The following DNAH2 variants were observed in gnomAD, a reference collection of about 807,000 sequenced individuals.
DNAH2 encodes dynein axonemal heavy chain 2.
A neutral mutation model predicts 523.5 loss-of-function variants in DNAH2; 323 were observed. The ratio of observed to expected loss-of-function variants is 0.62; its 90% CI spans 0.56 to 0.68. DNAH2 has a LOEUF of 0.68. Among genes scored for constraint, DNAH2 ranks in the 30% least tolerant of loss-of-function variants. The probability of loss-of-function intolerance (pLI) is 0.00; values close to 1 mark genes in which losing one functional copy is unlikely to be tolerated. For synonymous variants in DNAH2, 2,093 were observed against 2,177.4 expected, an observed-to-expected ratio of 0.96 and a Z score of 1.08; for missense variants, 4,907 against 5,701.5, an observed-to-expected ratio of 0.86 and a Z score of 4.49.
chr17:7,750,934 C>T (rs1266229350), intron 12 of DNAH2, among the ~76,000 whole-genome samples: 1 of 152,062 alleles, frequency 6.6e-6, no homozygotes, highest in Admixed American at 6.6e-5. Flanking sequence ...ATTGTTAATT[C>T]AGTGTAGAAA....
chr17:7,791,839 C>A, intron 44 of DNAH2, 78 bp from the exon 45 acceptor site: 2 of 1,422,874 alleles, frequency 1.4e-6, no homozygotes, highest in Non-Finnish European at 1.9e-6. Context: ...GCTTTCCACA[C>A]TCTGGTGTCA....
chr17:7,778,232 G>C, intron 34 of DNAH2, 48 bp from the exon 35 acceptor site: 1 of 1,614,002 alleles, frequency 6.2e-7, no homozygotes, highest in Non-Finnish European at 8.5e-7. Context: ...AGCAGAAGCT[G>C]AGAGAGGCTT....
At chr17:7,764,534 T>C (rs1189084665) in intron 20 of DNAH2, among the ~76,000 whole-genome samples, 1 of 150,538 alleles carries the variant, frequency 6.6e-6, no homozygotes, top group Non-Finnish European at 1.5e-5. Context: ...GATCTTGGCC[T>C]ACTGCAACCT....
chr17:7,797,044 G>T (rs2077084925), intron 50 of DNAH2, 132 bp from the exon 51 acceptor site: 2 of 799,848 alleles, frequency 2.5e-6, no homozygotes, highest in Admixed American at 4.9e-5. Flanking sequence ...AGAGGTTGCA[G>T]TGAGCTGAGA....
In DNAH2 at chr17:7,760,890, G is replaced by T. The variant is rs750694055; in HGVS notation, c.2936G>T (p.Arg979Leu). ...NKDSFIHRYQRLNPPVSSFVA... is the reference protein window; with the variant it reads ...NKDSFIHRYQLLNPPVSSFVA... ...GACTCCTTCATTCATCGCTACCAGC[G>T]CCTCAACCCTCCTGTCTCTTCTTTT... Residue 979 changes from arginine (R) to leucine (L), a missense_variant, in exon 18 of 86, where the codon CGC becomes CTC. Arg to Leu is a moderately radical substitution (Grantham distance 102). Around this residue, in one of 3 missense-constraint regions of DNAH2, gnomAD observed 2,806 missense variants for 3,190.8 expected, o/e 0.88. Coordinates refer to ENST00000572933, the MANE Select transcript of DNAH2 (RefSeq NM_020877.5). This position sits in a 1 kb window ranked among gnomAD's most constrained non-coding sequence, Gnocchi z 4.0. 1.9e-6 allele frequency: 3 copies of T among 1,614,174 alleles called. No individual in the cohort carries two copies. Among genetic ancestry groups the T allele is most frequent in the East Asian group, 4.5e-5 (2 of 44,886 alleles).
At chr17:7,793,294 C>A in intron 48 of DNAH2, 89 bp downstream of exon 48, 1 of 1,362,532 alleles carries the variant, frequency 7.3e-7, no homozygotes, top group Non-Finnish European at 1.0e-6. Context: ...GGCTATGGTC[C>A]TGTCATCTTG....
intron 63 of DNAH2, among the ~76,000 whole-genome samples, chr17:7,815,681 CACAT>C (rs748961770): frequency 2.6e-5 from 4 of 151,764 alleles, no homozygotes; most frequent in Admixed American, 6.6e-5. Context: ...GGATCACACA[CACAT>C]ATATGGGATC....
chr17:7,761,841 A>T (rs949786643), intron 18 of DNAH2, among the ~76,000 whole-genome samples: 1 of 151,712 alleles, frequency 6.6e-6, no homozygotes, highest in African/African-American at 2.4e-5. Context: ...GCCTCTGGTC[A>T]TTCATTCATT....
chr17:7,830,556 C>T (rs1257416171), intron 78 of DNAH2, 65 bp downstream of exon 78: 14 of 1,604,882 alleles, frequency 8.7e-6, no homozygotes, highest in Non-Finnish European at 4.3e-6. Flanking sequence ...CCATGGCTCC[C>T]CTGTGGGAAT....
chr17:7,757,300 T>C, intron 13 of DNAH2, 63 bp downstream of exon 13: 1 of 1,579,418 alleles, frequency 6.3e-7, no homozygotes, highest in Admixed American at 1.7e-5. Flanking sequence ...TTTTCTCTTA[T>C]CTGCCCTGTA....
In DNAH2 at chr17:7,764,016, A is replaced by G. The variant is rs759618343; in HGVS notation, c.3164A>G (p.Lys1055Arg). 5 of 1,614,168 alleles carry G rather than the reference A, an allele frequency of 3.1e-6. No individual in the cohort carries two copies. The highest frequency in any genetic ancestry group is 4.2e-6 in the Non-Finnish European group (5 of 1,180,018). The change falls in exon 19 of 86, where the codon AAG becomes AGG. Residue 1055 changes from lysine to arginine, a missense_variant. This residue lies in a region of DNAH2 where 2,806 missense variants were observed against 3,190.8 expected (regional missense o/e 0.88). Transcript: ENST00000572933. ...GRLLELHTYLKENAEKISRPP... is the reference protein window; with the variant it reads ...GRLLELHTYLRENAEKISRPP... ...CTCCTGGAGCTGCACACCTACCTGAAGGAGAACGCAGAGAAGTGCGGGCTG... is the reference window on the plus strand; with the variant it reads ...CTCCTGGAGCTGCACACCTACCTGAGGGAGAACGCAGAGAAGTGCGGGCTG...
chr17:7,792,638 G>A lies in DNAH2; in HGVS notation c.7146-19G>A, dbSNP rs745471988. On this transcript the variant is annotated intron_variant, in intron 46 of 85. Transcript: ENST00000572933. ...AGTGGGCGGCTGGTCCTTGAGAGCCGGCCCCTGCTCTTCCCTAGCGCCCCC... is the reference window on the plus strand; with the variant it reads ...AGTGGGCGGCTGGTCCTTGAGAGCCAGCCCCTGCTCTTCCCTAGCGCCCCC... 2.6e-5 allele frequency: 41 copies of A among 1,607,280 alleles called. No homozygotes were observed. The highest frequency in any genetic ancestry group is 3.3e-5 in the Non-Finnish European group (39 of 1,175,018).
intron 11 of DNAH2, 38 bp from the exon 12 acceptor site, chr17:7,742,890 G>A: frequency 1.4e-6 from 2 of 1,405,564 alleles, no homozygotes; most frequent in Non-Finnish European, 1.9e-6. Context: ...GAGGAAGGTG[G>A]CAGGCCGACT....
rs2076542915 is a variant in DNAH2, at chr17:7,779,361, A to C, written c.5660A>C (p.His1887Pro). ...SALAAGLTHF[H>P]FDGFEINLVW... ...CTGGCTGCCGGCCTCACCCATTTCC[A>C]TTTTGATGGCTTTGAAATAAATCTG... Residue 1887 changes from histidine (H) to proline (P), a missense_variant, in exon 36 of 86, where the codon CAT (histidine) becomes CCT (proline). His to Pro is a moderately conservative substitution (Grantham distance 77). Transcript: ENST00000572933. The C allele has an allele frequency of 6.2e-7, 1 of 1,613,886 alleles. No homozygotes were observed. The highest frequency in any genetic ancestry group is 8.5e-7 in the Non-Finnish European group (1 of 1,179,998).
Position 7,786,005 on chromosome 17 carries a change from G to T in DNAH2, c.6130-119G>T. On this transcript the variant is annotated intron_variant, in intron 39 of 85. Transcript: ENST00000572933. The surrounding 1 kb of genome is among the most constrained non-coding windows in gnomAD (Gnocchi z 7.5). The stretch of plus-strand genomic sequence containing the variant: ...TGAGTGAACAGAGCCGGAGTGCAGA[G>T]GGCCCTGGTGCCATTTTTAACAGTT... 1 of 1,014,074 alleles carries T rather than the reference G, an allele frequency of 9.9e-7. No individual in the cohort carries two copies. Among genetic ancestry groups the T allele is most frequent in the East Asian group, 2.5e-5 (1 of 39,384 alleles). 62.8% of individuals were successfully genotyped at this position (1,014,074 alleles called of 1,614,324 possible).
chr17:7,826,688 G>A (rs752879025), intron 77 of DNAH2, among the ~76,000 whole-genome samples: 11 of 151,602 alleles, frequency 7.3e-5, no homozygotes, highest in African/African-American at 2.4e-4. Context: ...ACAGGTGCCC[G>A]CCACCACACC....
intron 18 of DNAH2, among the ~76,000 whole-genome samples, chr17:7,762,331 CTTTT>C (rs35824439): frequency 8.9e-6 from 1 of 111,802 alleles, no homozygotes; most frequent in Non-Finnish European, 1.8e-5. Flanking sequence ...CGTAGGATTT[CTTTT>C]TTTTTTTTTT....
chr17:7,745,793 CAAAA>C (rs5819164), intron 12 of DNAH2, among the ~76,000 whole-genome samples: 4 of 123,760 alleles, frequency 3.2e-5, no homozygotes, highest in Non-Finnish European at 5.2e-5. Context: ...CTGTCTCAAA[CAAAA>C]AAAAAAAAAA....
At chr17:7,774,291 G>A (rs539150226) in intron 28 of DNAH2, among the ~76,000 whole-genome samples, 12 of 152,232 alleles carry the variant, frequency 7.9e-5, no homozygotes, top group African/African-American at 2.2e-4. Context: ...GGGAACCTCC[G>A]CAGCATGGAG....
Sources: gnomAD v4.1 joint callset for allele counts (sites outside exome capture counted in the v4.1 genomes callset) on GRCh38, gnomAD v4.1.1 for gene constraint, gnomAD v4.1.1 regional missense constraint, Gnocchi (gnomAD v3.1) non-coding constraint, MANE v1.5 for transcripts, NCBI Gene and HGNC (gene_info 2026-07-23, HGNC 2026-07-21) for gene names.